UBAP1: variants seen among roughly 807,000 people sequenced by gnomAD.
UBAP1 encodes the protein ubiquitin-associated protein 1.
Under a neutral mutation model 39.0 loss-of-function variants are expected in UBAP1, and 5 were observed. That is an observed-to-expected ratio of 0.13 (90% CI 0.07 to 0.27). UBAP1 has a LOEUF of 0.27. Ranked by LOEUF, UBAP1 falls within the 10% of genes least tolerant of loss-of-function variation. The probability of loss-of-function intolerance (pLI) is 1.00; values close to 1 mark genes in which losing one functional copy is unlikely to be tolerated. For missense variants in UBAP1, 490 were observed against 608.1 expected, an observed-to-expected ratio of 0.81 and a Z score of 2.04; for synonymous variants, 211 against 225.1, an observed-to-expected ratio of 0.94 and a Z score of 0.56.
intron 1 of UBAP1, among the ~76,000 whole-genome samples, chr9:34,191,283 A>G (rs1830704841): frequency 6.6e-6 from 1 of 152,062 alleles, no homozygotes; most frequent in Admixed American, 6.6e-5. Context: ...TTATTTATTT[A>G]TAGAGATGGG....
intron 3 of UBAP1, among the ~76,000 whole-genome samples, chr9:34,237,559 A>T (rs753378794): frequency 1.4e-3 from 214 of 151,420 alleles, no homozygotes; most frequent in African/African-American, 3.1e-3. Flanking sequence ...ACCTTTTTTT[A>T]AAAAAAAACT....
At chr9:34,186,723 T>A (rs1830426459) in intron 1 of UBAP1, among the ~76,000 whole-genome samples, 1 of 152,088 alleles carries the variant, frequency 6.6e-6, no homozygotes, top group South Asian at 2.1e-4. Context: ...TCTGATTTAT[T>A]TTTAAGAGTT....
chr9:34,226,701 C>T (rs1833126543), intron 2 of UBAP1, among the ~76,000 whole-genome samples: 1 of 151,612 alleles, frequency 6.6e-6, no homozygotes, highest in Non-Finnish European at 1.5e-5. Flanking sequence ...TTCCAGATAT[C>T]TCTTAACACT....
At chr9:34,247,122 T>C (rs1419788371) in intron 4 of UBAP1, among the ~76,000 whole-genome samples, 1 of 152,166 alleles carries the variant, frequency 6.6e-6, no homozygotes, top group African/African-American at 2.4e-5. Context: ...AATGGTACCC[T>C]GGAGTAAATA....
rs1834532320 is a variant in UBAP1 at position 34,251,546 on chromosome 9, C to T, written c.*14C>T. 1.9e-6 allele frequency: 3 copies of T among 1,611,774 alleles called. No homozygotes were observed. In the African/African-American group the frequency reaches 4.0e-5, roughly 22 times the overall value. ...GGAGCCAGCTGAGACCAGGCCCTGC[C>T]TAGGCCCTGCCGCAGAACCACCATC... is the stretch of plus-strand genomic sequence containing the variant. On this transcript the variant is annotated 3_prime_UTR_variant, in exon 7 of 7. Coordinates refer to ENST00000297661, the MANE Select transcript of UBAP1 (RefSeq NM_016525.5).
chr9:34,249,977 G>A lies in UBAP1; in HGVS notation c.1266+16G>A, dbSNP rs769166401. ...TATTGAGCAGGTGAGCGGTTGGTCA[G>A]CCAGGAGGGCAGGCTCAGACCTGTG... On this transcript the variant is annotated intron_variant, in intron 5 of 6. Transcript: ENST00000297661. The A allele has an allele frequency of 9.9e-6, 16 of 1,612,980 alleles. No homozygotes were observed. The highest frequency in any genetic ancestry group is 1.4e-5 in the Non-Finnish European group (16 of 1,179,640).
At chr9:34,223,920 T>C in intron 2 of UBAP1, 2 of 283,306 alleles carry the variant, frequency 7.1e-6, no homozygotes, top group Non-Finnish European at 1.4e-5. Flanking sequence ...TTTTGTTTTT[T>C]GGGTTTTTTT....
chr9:34,243,058 A>G lies in UBAP1; in HGVS notation c.1083+950A>G, dbSNP rs569577652. Among the ~76,000 whole-genome samples the G allele has an allele frequency of 5.9e-5, 9 of 152,228 alleles. No homozygotes were observed. In the South Asian group the frequency reaches 1.9e-3, roughly 32 times the overall value. On this transcript the variant is annotated intron_variant, in intron 4 of 6. Transcript: ENST00000297661. ...AGCTCATAGCTGCTTGTAAACTTCC[A>G]TAAACCTTGGCCCGGGTAAACTTGA... is the stretch of plus-strand genomic sequence containing the variant.
chr9:34,231,562 A>C (rs1303753409), intron 2 of UBAP1, among the ~76,000 whole-genome samples: 11 of 151,718 alleles, frequency 7.3e-5, no homozygotes, highest in East Asian at 5.9e-4. Context: ...TCCATGAGCC[A>C]TACATTATAC....
chr9:34,216,991 A>C (rs569765948), intron 1 of UBAP1, among the ~76,000 whole-genome samples: 1 of 152,048 alleles, frequency 6.6e-6, no homozygotes, highest in East Asian at 1.9e-4. Context: ...ATCATTCATC[A>C]ACTTCTCCCC....
chr9:34,222,209 T>G (rs1328974979), intron 2 of UBAP1, among the ~76,000 whole-genome samples: 1 of 152,194 alleles, frequency 6.6e-6, no homozygotes, highest in East Asian at 1.9e-4. Context: ...TCTTCTGAGC[T>G]GCCAGTGGTT....
chr9:34,213,276 C>T (rs994366741), intron 1 of UBAP1, among the ~76,000 whole-genome samples: 9 of 151,992 alleles, frequency 5.9e-5, no homozygotes, highest in East Asian at 3.9e-4. Context: ...TTTGGGAGGC[C>T]GAGGCAGGTG....
chr9:34,190,197 T>C (rs757318577), intron 1 of UBAP1, among the ~76,000 whole-genome samples: 3 of 152,244 alleles, frequency 2.0e-5, no homozygotes, highest in Non-Finnish European at 2.9e-5. Context: ...AATTTAATGT[T>C]AATAAAATCT....
chr9:34,191,956 T>C (rs1296477325), intron 1 of UBAP1: 2 of 151,502 alleles, frequency 1.3e-5, no homozygotes. Context: ...AACCAACCTC[T>C]CTCAGCCTTG....
chr9:34,211,543 T>A (rs1286224144), intron 1 of UBAP1, among the ~76,000 whole-genome samples: 1 of 152,174 alleles, frequency 6.6e-6, no homozygotes, highest in East Asian at 1.9e-4. Flanking sequence ...GAGAGTATTA[T>A]AATAATTTGA....
At chr9:34,235,758 C>T (rs1342116823) in intron 3 of UBAP1, among the ~76,000 whole-genome samples, 1 of 152,036 alleles carries the variant, frequency 6.6e-6, no homozygotes, top group African/African-American at 2.4e-5. Flanking sequence ...CTCACTCACC[C>T]AGAGCAACTT....
chr9:34,241,529 T>C lies in UBAP1; in HGVS notation c.504T>C (p.Asn168=), dbSNP rs775837857. ...DFECEEDPFD[N]LELKTIDEKE... ...AGTGTGAAGAAGACCCATTTGATAATCTGGAGTTAAAAACTATTGATGAGA... is the reference window on the plus strand; with the variant it reads ...AGTGTGAAGAAGACCCATTTGATAACCTGGAGTTAAAAACTATTGATGAGA... The change falls in exon 4 of 7, where the codon AAT becomes AAC. Residue 168 remains asparagine, a synonymous_variant. Transcript: ENST00000297661. The C allele has an allele frequency of 1.9e-6, 3 of 1,614,054 alleles. No individual in the cohort carries two copies. In the South Asian group the frequency reaches 3.3e-5, roughly 18 times the overall value.
intron 2 of UBAP1, among the ~76,000 whole-genome samples, chr9:34,229,010 T>G (rs1346930869): frequency 6.6e-6 from 1 of 152,184 alleles, no homozygotes; most frequent in African/African-American, 2.4e-5. Flanking sequence ...GGTTGGGGGA[T>G]GTACTAAATA....
At chr9:34,217,245 G>T (rs1032239136) in intron 1 of UBAP1, among the ~76,000 whole-genome samples, 1 of 151,974 alleles carries the variant, frequency 6.6e-6, no homozygotes, top group African/African-American at 2.4e-5. Context: ...ATAGGTGATT[G>T]TTGTTACTGT....
Sources: gnomAD v4.1 joint callset for allele counts (sites outside exome capture counted in the v4.1 genomes callset) on GRCh38, gnomAD v4.1.1 for gene constraint, MANE v1.5 for transcripts, NCBI Gene and HGNC (gene_info 2026-07-23, HGNC 2026-07-21) for gene names.